Variants in PALS1 observed in about 807,000 individuals in gnomAD.
The protein encoded by PALS1 is protein PALS1.
A neutral mutation model predicts 78.9 loss-of-function variants in PALS1; 31 were observed. That is an observed-to-expected ratio of 0.39 (90% CI 0.30 to 0.53). The LOEUF is 0.53. Ranked by LOEUF, PALS1 falls within the 20% of genes least tolerant of loss-of-function variation. The probability of loss-of-function intolerance (pLI) is 0.67; values close to 1 mark genes in which losing one functional copy is unlikely to be tolerated. For synonymous variants in PALS1, 276 were observed against 270.9 expected, an observed-to-expected ratio of 1.02 and a Z score of -0.18; for missense variants, 704 against 826.5, an observed-to-expected ratio of 0.85 and a Z score of 1.82.
chr14:67,256,997 A>G (rs538641997), intron 1 of PALS1, among the ~76,000 whole-genome samples: 2 of 152,310 alleles, frequency 1.3e-5, no homozygotes, highest in Admixed American at 1.3e-4. Context: ...CAGGTGCCCA[A>G]GGTGATCGGG....
rs570670902 is a variant in PALS1, at chr14:67,301,267, A to T, written c.577-122A>T. 4.0e-5 allele frequency: 20 copies of T among 498,806 alleles called. 1 individual carries two copies. The South Asian group carries it at 1.0e-3, about 26-fold the overall frequency. The allele number at this position is 498,806 out of a possible 1,614,324, so 30.9% of individuals were successfully genotyped here. Reference sequence around the variant, plus strand: ...AAAACTCTAATAATTCTTTTTAGTGATTTTATTTCTTACAAGTATTTTTAT... The same window carrying T: ...AAAACTCTAATAATTCTTTTTAGTGTTTTTATTTCTTACAAGTATTTTTAT... On this transcript the variant is annotated intron_variant, in intron 4 of 14. Transcript: ENST00000261681.
chr14:67,288,843 A>G (rs770154246), intron 3 of PALS1, among the ~76,000 whole-genome samples: 3 of 152,074 alleles, frequency 2.0e-5, no homozygotes, highest in African/African-American at 4.8e-5. Context: ...GGTCATTCTA[A>G]TGACGGTTTT....
At chr14:67,280,031 C>T (rs1323889544) in intron 3 of PALS1, 3 of 152,224 alleles carry the variant, frequency 2.0e-5, no homozygotes, top group Non-Finnish European at 4.4e-5. Context: ...TCTATATCCC[C>T]AAATTCTGTT....
chr14:67,320,499 C>G (rs1171317481), intron 12 of PALS1, 102 bp downstream of exon 12: 1 of 1,113,078 alleles, frequency 9.0e-7, no homozygotes, highest in Non-Finnish European at 1.2e-6. Context: ...CATTAAAACA[C>G]TGTTGTCAGT....
chr14:67,316,600 A>G (rs2085179600), intron 9 of PALS1, among the ~76,000 whole-genome samples: 1 of 152,312 alleles, frequency 6.6e-6, no homozygotes, highest in Admixed American at 6.5e-5. Flanking sequence ...TAAATATTTT[A>G]GTAGATGATA....
intron 8 of PALS1, among the ~76,000 whole-genome samples, chr14:67,304,303 CA>C (rs1426789664): frequency 6.6e-6 from 1 of 152,056 alleles, no homozygotes; most frequent in Non-Finnish European, 1.5e-5. Context: ...AGTATATATC[CA>C]AAAGGACTGA....
chr14:67,279,585 C>G, intron 3 of PALS1, 48 bp downstream of exon 3: 2 of 1,479,252 alleles, frequency 1.4e-6, no homozygotes, highest in South Asian at 2.8e-5. Context: ...TTTAATTTAT[C>G]TGTGCCTTAT....
chr14:67,276,476 A>G (rs1184033279), intron 2 of PALS1, among the ~76,000 whole-genome samples: 2 of 152,250 alleles, frequency 1.3e-5, no homozygotes, highest in Middle Eastern at 3.4e-3. Flanking sequence ...ATCACCTTTT[A>G]CCACAGACCA....
chr14:67,319,943 CT>C (rs1235222186), intron 11 of PALS1, among the ~76,000 whole-genome samples: 2 of 152,150 alleles, frequency 1.3e-5, no homozygotes, highest in African/African-American at 4.8e-5. Context: ...GTACCGCATC[CT>C]TATTCAAAGT....
In PALS1 at chr14:67,321,268, A is replaced by G. The variant is rs1459802725; in HGVS notation, c.1740+9A>G. The G allele has an allele frequency of 1.2e-6, 2 of 1,613,594 alleles. No homozygotes were observed. Among genetic ancestry groups the G allele is most frequent in the South Asian group, 1.1e-5 (1 of 91,038 alleles). On this transcript the variant is annotated intron_variant, in intron 13 of 14. Transcript: ENST00000261681. Reference sequence around the variant, plus strand: ...TAAGTCTTCGTACACAGGTAAAGCTAGAACTTTGTTTTAGGGTTTGAACTT... The same window carrying G: ...TAAGTCTTCGTACACAGGTAAAGCTGGAACTTTGTTTTAGGGTTTGAACTT...
chr14:67,246,902 G>C (rs558382901), intron 1 of PALS1, among the ~76,000 whole-genome samples: 12 of 151,980 alleles, frequency 7.9e-5, no homozygotes, highest in Non-Finnish European at 1.5e-4. Flanking sequence ...TGCCTGCCCC[G>C]GCTTCCCAAA....
At chr14:67,300,336 C>CTTTTTTTTT (rs36091817) in intron 4 of PALS1, among the ~76,000 whole-genome samples, 3 of 139,084 alleles carry the variant, frequency 2.2e-5, no homozygotes, top group Non-Finnish European at 4.6e-5. Flanking sequence ...TATGAATTAC[C>CTTTTTTTTT]TTTTTTTTTT....
At chr14:67,332,435 G>A (rs1457819210) in intron 14 of PALS1, among the ~76,000 whole-genome samples, 1 of 152,230 alleles carries the variant, frequency 6.6e-6, no homozygotes, top group Non-Finnish European at 1.5e-5. Flanking sequence ...TTAGGAAGAG[G>A]TTATAGTGTC....
At chr14:67,249,510 C>T (rs1431193245) in intron 1 of PALS1, among the ~76,000 whole-genome samples, 1 of 152,138 alleles carries the variant, frequency 6.6e-6, no homozygotes, top group Non-Finnish European at 1.5e-5. Flanking sequence ...CTTTTTGTTT[C>T]AAGACTGCAC....
intron 3 of PALS1, among the ~76,000 whole-genome samples, chr14:67,285,366 A>G (rs892263914): frequency 7.3e-6 from 1 of 137,854 alleles, no homozygotes; most frequent in Non-Finnish European, 1.6e-5. Flanking sequence ...CCTTAGGTAA[A>G]TTTTTTTTTT....
chr14:67,294,168 C>CT (rs1412830967), intron 4 of PALS1, among the ~76,000 whole-genome samples: 2 of 152,124 alleles, frequency 1.3e-5, no homozygotes, highest in Non-Finnish European at 2.9e-5. Flanking sequence ...TTTAAAAGTA[C>CT]TGTATAAAGG....
chr14:67,295,381 T>C (rs1258417069), intron 4 of PALS1, among the ~76,000 whole-genome samples: 2 of 151,594 alleles, frequency 1.3e-5, no homozygotes, highest in African/African-American at 4.9e-5. Context: ...TTCCAGCTGC[T>C]TGGGAGGCTG....
rs560833047 is a variant in PALS1 at position 67,279,097 on chromosome 14, A to G, written c.-74A>G. The G allele has an allele frequency of 1.5e-6, 2 of 1,362,380 alleles. No homozygotes were observed. The highest frequency in any genetic ancestry group is 1.8e-5 in the South Asian group (1 of 54,158). The allele number at this position is 1,362,380 out of a possible 1,614,324, so 84.4% of individuals were successfully genotyped here. A position where few individuals can be genotyped will look rare whatever the true frequency, so the allele number is the denominator to read the frequency against. The stretch of plus-strand genomic sequence containing the variant: ...TTTTTTGAAGTAACATGGATTTTAT[A>G]CTACAGAATCAAGAGAATTGGCTTA... On this transcript the variant is annotated 5_prime_UTR_variant, in exon 3 of 15. It adds an upstream start codon to the 5' untranslated region. Coordinates refer to ENST00000261681, the MANE Select transcript of PALS1 (RefSeq NM_022474.4).
At chr14:67,265,856 CAA>C (rs748481179) in intron 1 of PALS1, among the ~76,000 whole-genome samples, 19 of 75,354 alleles carry the variant, frequency 2.5e-4, no homozygotes, top group Non-Finnish European at 3.3e-4. Context: ...GACTCCATCT[CAA>C]AAAAAAAAAA....
Sources: gnomAD v4.1 joint callset for allele counts (sites outside exome capture counted in the v4.1 genomes callset) on GRCh38, gnomAD v4.1.1 for gene constraint, MANE v1.5 for transcripts, NCBI Gene and HGNC (gene_info 2026-07-23, HGNC 2026-07-21) for gene names.